The following CPS1 variants were observed in gnomAD, a reference collection of about 807,000 sequenced individuals.
The protein encoded by CPS1 is carbamoyl-phosphate synthase 1, also known as carbamoyl-phosphate synthase [ammonia], mitochondrial.
A neutral mutation model predicts 174.6 loss-of-function variants in CPS1; 109 were observed. The ratio of observed to expected loss-of-function variants is 0.62; its 90% CI spans 0.53 to 0.73. The LOEUF is 0.73. Ranked by LOEUF, CPS1 falls within the 30% of genes least tolerant of loss-of-function variation. The probability of loss-of-function intolerance (pLI) is 0.00; values close to 1 mark genes in which losing one functional copy is unlikely to be tolerated. For missense variants in CPS1, 1,689 were observed against 1,821.9 expected (o/e 0.93, Z 1.33); for synonymous variants, 637 against 632.0 (o/e 1.01, Z -0.12).
At chr2:210,650,543 CTTTG>C in intron 28 of CPS1, 105 bp downstream of exon 28, 1 of 870,558 alleles carries the variant, frequency 1.1e-6, no homozygotes. Context: ...TGCAACCTTA[CTTTG>C]TATGTTTTCT....
In CPS1 at chr2:210,526,888, A is replaced by G. The variant is rs139448426; in HGVS notation, c.4-29831A>G. The stretch of plus-strand genomic sequence containing the variant: ...ACAAATTGCTATAATCTTGTCACTA[A>G]TCAATCAATACTGTAATTTATCTAT... On this transcript the variant is annotated intron_variant, in intron 1 of 38. Coordinates refer to the CPS1 transcript ENST00000430249. Among the ~76,000 whole-genome samples the G allele has an allele frequency of 1.4e-3, 220 of 152,126 alleles. 1 individual carries two copies. In the Middle Eastern group the frequency reaches 0.041, roughly 28 times the overall value.
At chr2:210,478,040 C>T (rs1209906079) in intron 1 of CPS1, among the ~76,000 whole-genome samples, 1 of 152,152 alleles carries the variant, frequency 6.6e-6, no homozygotes, top group African/African-American at 2.4e-5. Context: ...AACTTCCATA[C>T]TACAAATAAT....
intron 21 of CPS1, among the ~76,000 whole-genome samples, chr2:210,637,125 G>A (rs1004089057): frequency 6.6e-6 from 1 of 152,150 alleles, no homozygotes; most frequent in African/African-American, 2.4e-5. Flanking sequence ...AACCAGTCAT[G>A]CTACTTGCAC....
At chr2:210,606,444 G>C (rs77799550) in intron 17 of CPS1, among the ~76,000 whole-genome samples, 535 of 151,994 alleles carry the variant, frequency 3.5e-3, no homozygotes, top group African/African-American at 0.012. Context: ...GAAATAATTT[G>C]AGATGAAGAG....
intron 1 of CPS1, among the ~76,000 whole-genome samples, chr2:210,490,064 G>GGGA (rs1694830549): frequency 6.9e-6 from 1 of 144,294 alleles, no homozygotes; most frequent in Non-Finnish European, 1.6e-5. Flanking sequence ...AAGGATGGAA[G>GGGA]GAAGAAGGAA....
intron 30 of CPS1, 57 bp downstream of exon 30, chr2:210,656,689 T>C: frequency 3.7e-6 from 4 of 1,072,944 alleles, no homozygotes; most frequent in Non-Finnish European, 4.2e-6. Flanking sequence ...AAAAAACACC[T>C]AAGGTTTTTT....
intron 1 of CPS1, among the ~76,000 whole-genome samples, chr2:210,545,297 G>A (rs183731286): frequency 2.4e-4 from 37 of 152,144 alleles, no homozygotes; most frequent in African/African-American, 8.2e-4. Context: ...GGAAAAGAAG[G>A]AACGGTGGTG....
chr2:210,611,561 G>A (rs183943082), intron 19 of CPS1, among the ~76,000 whole-genome samples: 1 of 151,990 alleles, frequency 6.6e-6, no homozygotes, highest in Admixed American at 6.6e-5. Context: ...GTCACAGAAA[G>A]TTTAGTCTCC....
At chr2:210,637,014 G>A (rs988842189) in intron 21 of CPS1, among the ~76,000 whole-genome samples, 3 of 152,184 alleles carry the variant, frequency 2.0e-5, no homozygotes, top group Non-Finnish European at 2.9e-5. Flanking sequence ...CTGATGCAAT[G>A]TTGGGACACC....
intron 1 of CPS1, among the ~76,000 whole-genome samples, chr2:210,502,494 A>T (rs1695171999): frequency 6.8e-6 from 1 of 147,898 alleles, no homozygotes; most frequent in Non-Finnish European, 1.5e-5. Flanking sequence ...AGAGATATAA[A>T]TATAGAGATA....
At position 210,668,107 on chromosome 2, in the gene CPS1, T is replaced by TGTGTG; in HGVS notation, c.4003-79_4003-78insGTGTG. ...GTGTGTGTGTGTGTGTGTGTGTGTA[T>TGTGTG]TTTAATTTTAATTTTTGGTAGGAGT... is the stretch of plus-strand genomic sequence containing the variant. On this transcript the variant is annotated intron_variant, in intron 33 of 37. Coordinates refer to ENST00000233072, the MANE Select transcript of CPS1 (RefSeq NM_001875.5). 1.1e-5 allele frequency: 10 copies of TGTGTG among 874,250 alleles called. No homozygotes were observed. In the Admixed American group the frequency reaches 1.5e-4, roughly 13 times the overall value. 54.2% of individuals were successfully genotyped at this position (874,250 alleles called of 1,614,324 possible).
chr2:210,592,841 T>G, intron 10 of CPS1, 38 bp from the exon 11 acceptor site: 1 of 1,560,038 alleles, frequency 6.4e-7, no homozygotes, highest in Non-Finnish European at 8.8e-7. Flanking sequence ...ACATTCATTG[T>G]TACAGAAGGA....
rs1701619278 is a variant in CPS1 at position 210,678,894 on chromosome 2, T to C, written c.*909T>C. 6.6e-6 allele frequency: 1 copy of C among 152,334 alleles called. No homozygotes were observed. The highest frequency in any genetic ancestry group is 6.5e-5 in the Admixed American group (1 of 15,306). 9.4% of individuals were successfully genotyped at this position (152,334 alleles called of 1,614,324 possible). On this transcript the variant is annotated 3_prime_UTR_variant, in exon 38 of 38. Coordinates refer to ENST00000233072, the MANE Select transcript of CPS1 (RefSeq NM_001875.5). The stretch of plus-strand genomic sequence containing the variant: ...CCCCAGTTTTGGAATAACTTGGAAG[T>C]AAGGTTCATTCCCTTAAGACGATGG...
intron 30 of CPS1, among the ~76,000 whole-genome samples, chr2:210,657,147 G>A (rs1484687486): frequency 3.3e-5 from 5 of 152,030 alleles, no homozygotes; most frequent in Non-Finnish European, 5.9e-5. Context: ...GAACTTTCTG[G>A]AATCTATGCT....
chr2:210,537,898 C>A (rs1696299886), intron 1 of CPS1, among the ~76,000 whole-genome samples: 2 of 152,250 alleles, frequency 1.3e-5, no homozygotes, highest in Admixed American at 6.5e-5. Context: ...GAACTACAGG[C>A]TATATGTAAT....
rs1405892389 is a variant in CPS1, at chr2:210,677,103, T to A, written c.4371T>A (p.Val1457=). The change falls in exon 37 of 38, where the codon GTT becomes GTA. Residue 1457 remains valine, a synonymous_variant. Coordinates refer to ENST00000233072, the MANE Select transcript of CPS1 (RefSeq NM_001875.5). ...HDNYVIRRTA[V]DSGIPLLTNF... ...ATTATGTGATTCGGAGGACAGCTGTTGATAGTGGAATCCCTCTCCTCACTA... is the reference window on the plus strand; with the variant it reads ...ATTATGTGATTCGGAGGACAGCTGTAGATAGTGGAATCCCTCTCCTCACTA... 1.9e-6 allele frequency: 3 copies of A among 1,613,878 alleles called. No individual in the cohort carries two copies. The South Asian group carries it at 3.3e-5, about 18-fold the overall frequency.
Position 210,599,358 on chromosome 2 carries a change from T to A in CPS1, c.1360-14T>A. The A allele has an allele frequency of 6.2e-7, 1 of 1,611,256 alleles. No homozygotes were observed. Among genetic ancestry groups the A allele is most frequent in the Non-Finnish European group, 8.5e-7 (1 of 1,178,070 alleles). On this transcript the variant is annotated splice_polypyrimidine_tract_variant and intron_variant, in intron 13 of 37. Transcript: ENST00000233072. The stretch of plus-strand genomic sequence containing the variant: ...ACCATATATTCATGTACTGGATTCT[T>A]TTGTTTCTTTCAGGAAGAAAATGTC...
chr2:210,627,923 A>G (rs1574612635), intron 21 of CPS1, among the ~76,000 whole-genome samples: 1 of 152,068 alleles, frequency 6.6e-6, no homozygotes, highest in East Asian at 1.9e-4. Flanking sequence ...GTATCTATTA[A>G]GCACTTATTA....
rs144589252 is a variant in CPS1 at position 210,563,266 on chromosome 2, C to T, written c.126+6407C>T. 1.2e-4 allele frequency among the ~76,000 whole-genome samples: 18 copies of T among 152,148 alleles called. No homozygotes were observed. The East Asian group carries it at 1.9e-3, about 16-fold the overall frequency. ...TTACATACTGAATGTTATGGCAATA[C>T]GACACAAATTTGATTTTTCCTTTTC... On this transcript the variant is annotated intron_variant, in intron 1 of 37. Coordinates refer to ENST00000233072, the MANE Select transcript of CPS1 (RefSeq NM_001875.5).
Sources: allele counts gnomAD v4.1 joint callset (sites outside exome capture counted in the v4.1 genomes callset), GRCh38; gene constraint gnomAD v4.1.1; transcripts MANE v1.5; gene names NCBI Gene and HGNC (gene_info 2026-07-23, HGNC 2026-07-21).